The following CNTNAP2 variants were observed in gnomAD, a reference collection of about 807,000 sequenced individuals.
The protein encoded by CNTNAP2 is contactin associated protein 2, also known as contactin-associated protein-like 2.
Under a neutral mutation model 155.2 loss-of-function variants are expected in CNTNAP2, and 98 were observed. That is an observed-to-expected ratio of 0.63 (90% CI 0.54 to 0.75). The LOEUF is 0.75. Ranked by LOEUF, CNTNAP2 falls within the 30% of genes least tolerant of loss-of-function variation. CNTNAP2 has a pLI of 0.00. For synonymous variants in CNTNAP2, 651 were observed against 631.2 expected (o/e 1.03, Z -0.47); for missense variants, 1,727 against 1,688.1 (o/e 1.02, Z -0.40).
intron 13 of CNTNAP2, among the ~76,000 whole-genome samples, chr7:147,858,817 T>G (rs747628188): frequency 1.1e-4 from 17 of 152,190 alleles, no homozygotes; most frequent in Non-Finnish European, 2.4e-4. Flanking sequence ...CATGGAAATA[T>G]TCTCCCCTAG....
rs201899453 is a variant in CNTNAP2 at position 146,263,284 on chromosome 7, A to AGGAAGGAAGGAAGGAC, written c.97+146324_97+146339dup. 5.3e-3 allele frequency among the ~76,000 whole-genome samples: 784 copies of AGGAAGGAAGGAAGGAC among 147,554 alleles called. 9 individuals carry two copies. Among genetic ancestry groups the AGGAAGGAAGGAAGGAC allele is most frequent in the African/African-American group, 0.02 (735 of 37,266 alleles). On this transcript the variant is annotated intron_variant, in intron 1 of 23. Coordinates refer to ENST00000361727, the MANE Select transcript of CNTNAP2 (RefSeq NM_014141.6). ...GAGCGAGGGAGGGAGGGAGGAAGGA[A>AGGAAGGAAGGAAGGAC]GGAAGGAAGGAAGGACGGAAGGAAG...
chr7:147,300,820 T>C (rs970999603), intron 9 of CNTNAP2, among the ~76,000 whole-genome samples: 2 of 152,088 alleles, frequency 1.3e-5, no homozygotes, highest in Admixed American at 1.3e-4. Flanking sequence ...GATGCCTCAG[T>C]TCTCTGTGGC....
At chr7:147,147,792 A>G (rs1176144883) in intron 8 of CNTNAP2, among the ~76,000 whole-genome samples, 1 of 152,078 alleles carries the variant, frequency 6.6e-6, no homozygotes, top group Non-Finnish European at 1.5e-5. Context: ...TACCTTTACT[A>G]ACTTGCTCTT....
chr7:148,015,729 G>A (rs1340723110), intron 15 of CNTNAP2, among the ~76,000 whole-genome samples: 1 of 152,174 alleles, frequency 6.6e-6, no homozygotes, highest in Admixed American at 6.5e-5. Flanking sequence ...AGATCCTTCT[G>A]CATGCATTTT....
intron 21 of CNTNAP2, among the ~76,000 whole-genome samples, chr7:148,287,641 T>G (rs1797105821): frequency 6.6e-6 from 1 of 152,218 alleles, no homozygotes; most frequent in South Asian, 2.1e-4. Context: ...TTTATTTCAT[T>G]CATGCTTCTG....
intron 21 of CNTNAP2, among the ~76,000 whole-genome samples, chr7:148,317,093 CG>C (rs2116528824): frequency 6.6e-6 from 1 of 152,298 alleles, no homozygotes; most frequent in East Asian, 1.9e-4. Context: ...CAGTGGCTCT[CG>C]CCTGTAATCC....
intron 15 of CNTNAP2, among the ~76,000 whole-genome samples, chr7:148,082,921 C>T (rs187970590): frequency 1.4e-4 from 22 of 152,028 alleles, no homozygotes; most frequent in Admixed American, 1.4e-3. Flanking sequence ...TCGTGATCCA[C>T]CTGCCTCTGC....
intron 9 of CNTNAP2, among the ~76,000 whole-genome samples, chr7:147,362,524 C>G (rs769887383): frequency 2.0e-5 from 3 of 152,196 alleles, no homozygotes; most frequent in Non-Finnish European, 4.4e-5. Flanking sequence ...CATAAACATT[C>G]TCAGATTCCA....
At chr7:148,068,347 G>T (rs1366758223) in intron 15 of CNTNAP2, among the ~76,000 whole-genome samples, 1 of 152,114 alleles carries the variant, frequency 6.6e-6, no homozygotes, top group Non-Finnish European at 1.5e-5. Flanking sequence ...ATGCCTACAG[G>T]GCTCTTTCTG....
intron 1 of CNTNAP2, among the ~76,000 whole-genome samples, chr7:146,215,581 A>G (rs1003726829): frequency 1.8e-4 from 27 of 151,504 alleles, no homozygotes; most frequent in African/African-American, 6.3e-4. Flanking sequence ...ATGAAAAACC[A>G]TATATATTTT....
Position 148,285,187 on chromosome 7 carries a change from A to G in CNTNAP2, c.3475+18061A>G, listed in dbSNP as rs1032060807. On this transcript the variant is annotated intron_variant, in intron 21 of 23. Coordinates refer to ENST00000361727, the MANE Select transcript of CNTNAP2 (RefSeq NM_014141.6). ...TGTCACAGCTCTGTGCTCTGGTGAT[A>G]AGACAGACTCTGTGGTCTAAGTAAG... Among the ~76,000 whole-genome samples the G allele has an allele frequency of 3.3e-5, 5 of 152,236 alleles. No homozygotes were observed. In the East Asian group the frequency reaches 9.6e-4, roughly 29 times the overall value.
At chr7:148,407,435 G>A (rs1799727881) in intron 22 of CNTNAP2, among the ~76,000 whole-genome samples, 1 of 152,126 alleles carries the variant, frequency 6.6e-6, no homozygotes, top group Admixed American at 6.5e-5. Context: ...CGGGCATGGT[G>A]GCTCACACCT....
intron 13 of CNTNAP2, among the ~76,000 whole-genome samples, chr7:147,885,558 TTCA>T (rs1290251320): frequency 1.3e-5 from 2 of 151,866 alleles, no homozygotes; most frequent in African/African-American, 4.8e-5. Context: ...CACTTTCTCC[TTCA>T]TCACCCTTTG....
At chr7:147,978,735 C>T (rs548599255) in intron 15 of CNTNAP2, among the ~76,000 whole-genome samples, 100 of 152,224 alleles carry the variant, frequency 6.6e-4, no homozygotes, top group African/African-American at 1.9e-3. Flanking sequence ...ATCGTTTTCT[C>T]TCTTCTTTCT....
chr7:146,210,394 C>T (rs1486498935), intron 1 of CNTNAP2, among the ~76,000 whole-genome samples: 1 of 152,148 alleles, frequency 6.6e-6, no homozygotes, highest in Non-Finnish European at 1.5e-5. Context: ...TTCTCCGCCT[C>T]CCGGGTTCAA....
At chr7:147,508,707 C>T (rs1798959904) in intron 11 of CNTNAP2, among the ~76,000 whole-genome samples, 1 of 152,136 alleles carries the variant, frequency 6.6e-6, no homozygotes, top group Non-Finnish European at 1.5e-5. Context: ...TTTTCCCGTG[C>T]TGTTCTCAGC....
At chr7:147,199,470 C>T (rs79700139) in intron 8 of CNTNAP2, among the ~76,000 whole-genome samples, 6,962 of 152,212 alleles carry the variant, frequency 0.046, 221 homozygotes, top group Non-Finnish European at 0.067. Context: ...CAGTATACTA[C>T]GTTTCAAACT....
At chr7:147,276,853 C>T (rs1804907371) in intron 8 of CNTNAP2, among the ~76,000 whole-genome samples, 1 of 151,726 alleles carries the variant, frequency 6.6e-6, no homozygotes, top group South Asian at 2.1e-4. Context: ...GCAAATGAAG[C>T]ACAGATGCTG....
intron 15 of CNTNAP2, among the ~76,000 whole-genome samples, chr7:148,104,789 G>C (rs1163419825): frequency 6.6e-6 from 1 of 152,176 alleles, no homozygotes; most frequent in Non-Finnish European, 1.5e-5. Context: ...TCAGATATCT[G>C]AGAAGGGAAA....
Sources: gnomAD v4.1 joint callset for allele counts (sites outside exome capture counted in the v4.1 genomes callset) on GRCh38, gnomAD v4.1.1 for gene constraint, MANE v1.5 for transcripts, NCBI Gene and HGNC (gene_info 2026-07-23, HGNC 2026-07-21) for gene names.